Variants in ASAH1 observed in about 807,000 individuals in gnomAD.
ASAH1 encodes N-acylsphingosine amidohydrolase 1.
A neutral mutation model predicts 59.5 loss-of-function variants in ASAH1; 70 were observed. The observed-to-expected ratio is 1.18, with a 90% CI of 0.97 to 1.43. The LOEUF is 1.43. ASAH1 is among the 40% of genes most tolerant of loss of function. The pLI, the probability that ASAH1 is intolerant of heterozygous loss-of-function variation, is 0.00. For synonymous variants in ASAH1, 213 were observed against 166.5 expected, an observed-to-expected ratio of 1.28 and a Z score of -2.15; for missense variants, 660 against 482.5, an observed-to-expected ratio of 1.37 and a Z score of -3.45.
In ASAH1 at chr8:18,083,843, G is replaced by A. The variant is rs1384018469; in HGVS notation, c.78+138C>T. On this transcript the variant is annotated intron_variant, in intron 1 of 13. Transcript: ENST00000637790. The stretch of plus-strand genomic sequence containing the variant: ...GCCCGCTCTGCACCCACACCCCTGT[G>A]CACGAAACCACAGACCCCCGTAAAG... The A allele has an allele frequency of 7.3e-6, 11 of 1,501,216 alleles. No homozygotes were observed. The Admixed American group carries it at 8.2e-5, about 11-fold the overall frequency. 93.0% of individuals were successfully genotyped at this position (1,501,216 alleles called of 1,614,324 possible). A position where few individuals can be genotyped will look rare whatever the true frequency, so the allele number is the denominator to read the frequency against.
chr8:18,084,514 T>A, upstream of ASAH1: 1 of 1,366,918 alleles, frequency 7.3e-7, no homozygotes, highest in Non-Finnish European at 9.9e-7. Context: ...AACACTAATG[T>A]AACATCCCAC....
chr8:18,083,884 A>T, intron 1 of ASAH1, 97 bp downstream of exon 1: 1 of 1,533,858 alleles, frequency 6.5e-7, no homozygotes, highest in Non-Finnish European at 8.7e-7. Flanking sequence ...GCCCAGCACG[A>T]GGTGTTCCTT....
At chr8:18,058,032 C>T (rs1274137933) in intron 13 of ASAH1, 5 of 156,246 alleles carry the variant, frequency 3.2e-5, no homozygotes, top group African/African-American at 1.2e-4. Flanking sequence ...GAGTAAAAAC[C>T]GTGGAGCTTT....
At chr8:18,071,262 A>G (rs1429632493) in intron 3 of ASAH1, 38 bp downstream of exon 3, 1 of 1,091,766 alleles carries the variant, frequency 9.2e-7, no homozygotes. Flanking sequence ...ATAAAAAATA[A>G]AAATAAAGAA....
chr8:18,072,878 T>C (rs2283115), intron 2 of ASAH1, among the ~76,000 whole-genome samples: 9,885 of 152,230 alleles, frequency 0.065, 381 homozygotes, highest in Admixed American at 0.1. Context: ...TCCAATCAGC[T>C]GCTCCTCACC....
At chr8:18,065,542 A>G (rs1799895313) in intron 5 of ASAH1, 1 of 152,158 alleles carries the variant, frequency 6.6e-6, no homozygotes, top group Non-Finnish European at 1.5e-5. Flanking sequence ...TCGTGGGGAA[A>G]ATATTTTTCG....
Position 18,062,492 on chromosome 8 carries a change from G to A in ASAH1, c.504-69C>T. 6 of 1,549,466 alleles carry A rather than the reference G, an allele frequency of 3.9e-6. No homozygotes were observed. In the South Asian group the frequency reaches 5.6e-5, roughly 14 times the overall value. On this transcript the variant is annotated intron_variant, in intron 7 of 13. Coordinates refer to ENST00000637790, the MANE Select transcript of ASAH1 (RefSeq NM_177924.5). Reference sequence around the variant, plus strand: ...AGTAATGATCAACATGATGATGAGGGCCAGGCATTACACTAGGAGCTTTAT... The same window carrying A: ...AGTAATGATCAACATGATGATGAGGACCAGGCATTACACTAGGAGCTTTAT...
chr8:18,063,321 T>C, intron 6 of ASAH1, 91 bp from the exon 7 acceptor site: 2 of 1,242,642 alleles, frequency 1.6e-6, no homozygotes, highest in South Asian at 1.2e-5. Context: ...AATTTATTTT[T>C]GAGACAGAGT....
In ASAH1 at chr8:18,059,579, C is replaced by G. The variant is rs78267388; in HGVS notation, c.910G>C (p.Val304Leu). 3.9e-4 allele frequency: 624 copies of G among 1,614,230 alleles called. 6 individuals carry two copies. The East Asian group carries it at 0.013, about 34-fold the overall frequency. Reference protein sequence around the residue: ...ITRDRKESLDVYELDAKQGRW... With the variant: ...ITRDRKESLDLYELDAKQGRW... ...TTTAACAAACCTACTTACTCATATA[C>G]ATCCAATGATTCCTTTCTGTCTCGT... Residue 304 changes from valine (V) to leucine (L), a missense_variant, in exon 11 of 14, where the codon GTA (valine) becomes CTA (leucine). Physicochemically the swap from Val to Leu is conservative, Grantham distance 32. Transcript: ENST00000637790.
intron 1 of ASAH1, among the ~76,000 whole-genome samples, chr8:18,077,290 C>A (rs1159131609): frequency 6.6e-6 from 1 of 152,196 alleles, no homozygotes; most frequent in Admixed American, 6.5e-5. Flanking sequence ...TAATAAATAA[C>A]CATGAGCTTT....
upstream of ASAH1, chr8:18,084,830 G>A (rs145184264): frequency 6.2e-6 from 10 of 1,611,020 alleles, no homozygotes; most frequent in Admixed American, 3.3e-5. Context: ...CCTAACTGGC[G>A]AAGGACTCAG....
intron 5 of ASAH1, 69 bp downstream of exon 5, chr8:18,067,151 C>CTATG: frequency 1.2e-6 from 1 of 845,644 alleles, no homozygotes; most frequent in Non-Finnish European, 1.8e-6. Context: ...GTATGTATAT[C>CTATG]ACACCTCAAT....
intron 2 of ASAH1, among the ~76,000 whole-genome samples, chr8:18,072,528 A>T (rs1391511658): frequency 2.0e-5 from 3 of 151,464 alleles, no homozygotes; most frequent in African/African-American, 7.3e-5. Flanking sequence ...TCGATTTTGG[A>T]AATGTACATT....
upstream of ASAH1, chr8:18,084,454 C>T (rs777860314): frequency 2.2e-6 from 3 of 1,345,296 alleles, no homozygotes; most frequent in East Asian, 2.7e-5. Context: ...GCAGCCTGTC[C>T]CGCGTACCCA....
At chr8:18,065,561 C>A (rs921861857) in intron 5 of ASAH1, 1 of 151,936 alleles carries the variant, frequency 6.6e-6, no homozygotes, top group African/African-American at 2.4e-5. Flanking sequence ...CGTTACATGC[C>A]ATAAAGCTTA....
upstream of ASAH1, chr8:18,084,154 C>A (rs966318525): frequency 1.5e-5 from 23 of 1,562,874 alleles, no homozygotes; most frequent in Non-Finnish European, 1.9e-5. Context: ...CCGCGTGACC[C>A]GCGACCTGGG....
At chr8:18,061,604 C>T (rs1799702956) in intron 9 of ASAH1, 82 bp downstream of exon 9, 2 of 1,515,864 alleles carry the variant, frequency 1.3e-6, no homozygotes, top group South Asian at 1.2e-5. Flanking sequence ...AGAGGTTGGA[C>T]TTTGTAACCA....
intron 2 of ASAH1, 97 bp downstream of exon 2, chr8:18,075,444 G>C (rs1238863363): frequency 7.8e-7 from 1 of 1,275,174 alleles, no homozygotes; most frequent in East Asian, 2.3e-5. Context: ...CATGACTTAA[G>C]ATTTTATTCA....
intron 6 of ASAH1, chr8:18,063,936 A>G (rs2117035424): frequency 5.8e-6 from 1 of 171,948 alleles, no homozygotes; most frequent in East Asian, 1.6e-4. Context: ...GTACAGGCAG[A>G]TTTATACCCA....
Sources: gnomAD v4.1 joint callset for allele counts (sites outside exome capture counted in the v4.1 genomes callset) on GRCh38, gnomAD v4.1.1 for gene constraint, MANE v1.5 for transcripts, NCBI Gene and HGNC (gene_info 2026-07-23, HGNC 2026-07-21) for gene names.